Variants in PSPH observed in about 807,000 individuals in gnomAD.
PSPH encodes the protein phosphoserine phosphatase.
A neutral mutation model predicts 23.4 loss-of-function variants in PSPH; 16 were observed. The ratio of observed to expected loss-of-function variants is 0.68; its 90% confidence interval spans 0.46 to 1.04. The LOEUF is 1.04. PSPH is among the 50% of genes least tolerant of loss of function. PSPH has a pLI of 0.00. For synonymous variants in PSPH, 68 were observed against 99.7 expected, an observed-to-expected ratio of 0.68 and a Z score of 1.89; for missense variants, 223 against 273.7, an observed-to-expected ratio of 0.81 and a Z score of 1.31.
In PSPH at chr7:56,026,754, G is replaced by A. The variant is rs1203633752; in HGVS notation, c.-20+5175C>T. On this transcript the variant is annotated intron_variant, in intron 3 of 7. Coordinates refer to ENST00000275605, the MANE Select transcript of PSPH (RefSeq NM_004577.4). Reference sequence around the variant, plus strand: ...GCTCACTGTAAAGACCTTGAAGTCAGCAGGTCTATCAGCAGAGTAGCAGCA... The same window carrying A: ...GCTCACTGTAAAGACCTTGAAGTCAACAGGTCTATCAGCAGAGTAGCAGCA... Among the ~76,000 whole-genome samples, 3 of 152,174 alleles carry A rather than the reference G, an allele frequency of 2.0e-5. 1 individual carries two copies.
chr7:56,015,181 G>T lies in PSPH; in HGVS notation c.422-10C>A. 6.2e-7 allele frequency: 1 copy of T among 1,613,532 alleles called. No homozygotes were observed. Among genetic ancestry groups the T allele is most frequent in the Non-Finnish European group, 8.5e-7 (1 of 1,179,676 alleles). ...AAACCTGCATATTCACCTTAAAAGAGAAATAAAAATAGGGTTAAAGACCCA... is the reference window on the plus strand; with the variant it reads ...AAACCTGCATATTCACCTTAAAAGATAAATAAAAATAGGGTTAAAGACCCA... On this transcript the variant is annotated splice_polypyrimidine_tract_variant and intron_variant, in intron 6 of 7. Coordinates refer to ENST00000275605, the MANE Select transcript of PSPH (RefSeq NM_004577.4).
chr7:56,021,949 CAAAAAAAAAAAAA>C, intron 3 of PSPH, among the ~76,000 whole-genome samples: 1 of 41,834 alleles, frequency 2.4e-5, no homozygotes, highest in East Asian at 6.6e-4. Flanking sequence ...GACTCCGTCT[CAAAAAAAAAAAAA>C]AAAAAAAAAG....
At chr7:56,043,540 G>C (rs543021591) in intron 1 of PSPH, among the ~76,000 whole-genome samples, 1 of 151,988 alleles carries the variant, frequency 6.6e-6, no homozygotes, top group Non-Finnish European at 1.5e-5. Context: ...ATAGAGGCTG[G>C]GCGTGGTGGC....
At chr7:56,049,836 G>A (rs1793762596) in intron 1 of PSPH, among the ~76,000 whole-genome samples, 2 of 151,826 alleles carry the variant, frequency 1.3e-5, no homozygotes, top group African/African-American at 4.8e-5. Context: ...TGCTTCCTGA[G>A]TTCAAGCAAT....
chr7:56,012,179 A>C lies in PSPH; in HGVS notation c.571-310T>G, dbSNP rs150935293. 3.1e-3 allele frequency among the ~76,000 whole-genome samples: 469 copies of C among 150,560 alleles called. 4 individuals are homozygous for C. The highest frequency in any genetic ancestry group is 0.011 in the African/African-American group (452 of 40,904). On this transcript the variant is annotated intron_variant, in intron 7 of 7. Coordinates refer to ENST00000275605, the MANE Select transcript of PSPH (RefSeq NM_004577.4). ...ATTACAGGTATGCTCCACTGCACCC[A>C]TCTAATTTTGTCATTCCTTTTTTGT...
At chr7:56,040,253 TGAA>T (rs1237005708) in intron 1 of PSPH, among the ~76,000 whole-genome samples, 3 of 152,124 alleles carry the variant, frequency 2.0e-5, no homozygotes, top group Non-Finnish European at 4.4e-5. Context: ...TAAAGGAAGT[TGAA>T]GAACGTATAT....
intron 3 of PSPH, among the ~76,000 whole-genome samples, chr7:56,030,905 A>C (rs569204543): frequency 1.9e-3 from 282 of 151,074 alleles, no homozygotes; most frequent in Non-Finnish European, 2.8e-3. Context: ...TGAAAACAAA[A>C]AACAACAACA....
At chr7:56,024,628 G>A (rs2116759841) in intron 3 of PSPH, among the ~76,000 whole-genome samples, 1 of 151,340 alleles carries the variant, frequency 6.6e-6, no homozygotes, top group African/African-American at 2.4e-5. Context: ...CACACCTATA[G>A]ACCTAGCTAC....
chr7:56,022,579 G>T (rs1789612843), intron 3 of PSPH, among the ~76,000 whole-genome samples: 1 of 152,180 alleles, frequency 6.6e-6, no homozygotes, highest in Non-Finnish European at 1.5e-5. Context: ...TGGCCCAGGG[G>T]CCTGGCTGTG....
chr7:56,028,157 GACTTACAGC>G (rs1351090033), intron 3 of PSPH, among the ~76,000 whole-genome samples: 1 of 152,048 alleles, frequency 6.6e-6, no homozygotes, highest in Non-Finnish European at 1.5e-5. Context: ...CATTAGGCCT[GACTTACAGC>G]TCAGAATTGT....
At chr7:56,023,983 G>C (rs1789818486) in intron 3 of PSPH, among the ~76,000 whole-genome samples, 1 of 151,834 alleles carries the variant, frequency 6.6e-6, no homozygotes, top group East Asian at 1.9e-4. Flanking sequence ...CTGGAGTGCA[G>C]TGGCGCGATC....
chr7:56,030,953 T>G (rs1335322641), intron 3 of PSPH, among the ~76,000 whole-genome samples: 2 of 151,672 alleles, frequency 1.3e-5, no homozygotes, highest in Non-Finnish European at 2.9e-5. Context: ...GGCTCACGCC[T>G]GTAATCCCAG....
chr7:56,034,243 C>CCCT (rs1255523660), intron 1 of PSPH, 137 bp from the exon 2 acceptor site: 1 of 152,304 alleles, frequency 6.6e-6, no homozygotes, highest in East Asian at 1.9e-4. Flanking sequence ...TGAACCAGCC[C>CCCT]CCTCCTCCTC....
At position 56,015,673 on chromosome 7, in the gene PSPH, T is replaced by G. The variant is rs139845361; in HGVS notation, c.422-502A>C. Among the ~76,000 whole-genome samples, 922 of 152,280 alleles carry G rather than the reference T, an allele frequency of 6.1e-3. 12 individuals are homozygous for G. Among genetic ancestry groups the G allele is most frequent in the African/African-American group, 0.021 (864 of 41,556 alleles). On this transcript the variant is annotated intron_variant, in intron 6 of 7. Transcript: ENST00000275605. ...CAAATTAATTAATTAATTAATTTAT[T>G]TTTGAGACAGTGTCTCACTCTGTTG...
rs766608256 is a variant in PSPH, at chr7:56,017,214, T to C, written c.421+20A>G. ...AATGGAACTGCTAAGAAAGGGAACA[T>C]GTTACTGTTAACATCTTACCGTTAA... On this transcript the variant is annotated intron_variant, in intron 6 of 7. Transcript: ENST00000275605. The C allele has an allele frequency of 1.9e-6, 3 of 1,613,816 alleles. No individual in the cohort carries two copies. The Admixed American group carries it at 5.0e-5, about 27-fold the overall frequency.
At chr7:56,026,488 C>CAAAAAA (rs56089644) in intron 3 of PSPH, among the ~76,000 whole-genome samples, 11 of 70,346 alleles carry the variant, frequency 1.6e-4, no homozygotes, top group Admixed American at 3.5e-4. Flanking sequence ...GACTCCATCT[C>CAAAAAA]AAAAAAAAAA....
At chr7:56,023,264 AT>A (rs57649480) in intron 3 of PSPH, among the ~76,000 whole-genome samples, 5,855 of 145,122 alleles carry the variant, frequency 0.04, 365 homozygotes, top group African/African-American at 0.14. Flanking sequence ...GTCAAAACAA[AT>A]TTTTTTTTTT....
At chr7:56,038,893 C>T (rs1792099567) in intron 1 of PSPH, among the ~76,000 whole-genome samples, 2 of 151,968 alleles carry the variant, frequency 1.3e-5, no homozygotes, top group African/African-American at 2.4e-5. Context: ...CCTGTAATCA[C>T]AGCACTTTGA....
intron 4 of PSPH, 198 bp from the exon 5 acceptor site, chr7:56,019,932 C>T: frequency 1.4e-6 from 1 of 713,522 alleles, no homozygotes; most frequent in Non-Finnish European, 2.5e-6. Flanking sequence ...ATAACATTAA[C>T]AGGCTGGGTG....
Sources: gnomAD v4.1 joint callset for allele counts (sites outside exome capture counted in the v4.1 genomes callset) on GRCh38, gnomAD v4.1.1 for gene constraint, MANE v1.5 for transcripts, NCBI Gene and HGNC (gene_info 2026-07-23, HGNC 2026-07-21) for gene names.